ARHGEF19: variants seen among roughly 807,000 people sequenced by gnomAD.
ARHGEF19 encodes Rho guanine nucleotide exchange factor 19.
In ARHGEF19, 92 loss-of-function variants were observed where a neutral mutation model predicts 87.6. The ratio of observed to expected loss-of-function variants is 1.05; its 90% CI spans 0.89 to 1.25. The LOEUF (loss-of-function observed/expected upper bound fraction) is 1.25, where lower values mean the gene tolerates loss of function less well. Ranked by LOEUF, ARHGEF19 falls within the 50% of genes most tolerant of loss-of-function variation. The pLI is 0.00. For synonymous variants in ARHGEF19, 438 were observed against 446.2 expected (o/e 0.98, Z 0.23); for missense variants, 1,054 against 1,051.8 (o/e 1.00, Z -0.03).
intron 11 of ARHGEF19, 74 bp from the exon 12 acceptor site, chr1:16,204,993 G>A: frequency 3.8e-6 from 6 of 1,563,854 alleles, no homozygotes; most frequent in Non-Finnish European, 5.2e-6. Context: ...ATGGGAGGGT[G>A]TGGGCAGCGA....
At chr1:16,211,370 C>G (rs555953223) in intron 1 of ARHGEF19, among the ~76,000 whole-genome samples, 1 of 152,172 alleles carries the variant, frequency 6.6e-6, no homozygotes, top group East Asian at 1.9e-4. Context: ...TACACATGCC[C>G]CCTGCCCCTT....
chr1:16,208,123 C>G lies in ARHGEF19; in HGVS notation c.515G>C (p.Ser172Thr). The G allele has an allele frequency of 6.2e-7, 1 of 1,613,650 alleles. No homozygotes were observed. Among genetic ancestry groups the G allele is most frequent in the Non-Finnish European group, 8.5e-7 (1 of 1,179,644 alleles). The change falls in exon 3 of 16, where the codon AGC (serine) becomes ACC (threonine). Residue 172 changes from serine (S) to threonine (T), a missense_variant. Ser to Thr is a moderately conservative substitution (Grantham distance 58, BLOSUM62 1). Coordinates refer to ENST00000270747, the MANE Select transcript of ARHGEF19 (RefSeq NM_153213.5). The stretch of plus-strand genomic sequence containing the variant: ...CAACTCCACCCTGGGCTCCTCTGTG[C>G]TCAGGGCCTGCTCTTGCACTACCTG... ...PGQVVQEQAL[S>T]TEEPRVELSG...
In ARHGEF19 at chr1:16,205,019, C is replaced by A. The variant is rs2081114162; in HGVS notation, c.1746+68G>T. 1 of 1,560,354 alleles carries A rather than the reference C, an allele frequency of 6.4e-7. No homozygotes were observed. Among genetic ancestry groups the A allele is most frequent in the Non-Finnish European group, 8.7e-7 (1 of 1,151,054 alleles). ...TGGGCAGCGATTAACTGGCCTGAAG[C>A]CCCCAGGGCAAGGAAGAAACAAGAG... is the stretch of plus-strand genomic sequence containing the variant. On this transcript the variant is annotated intron_variant, in intron 11 of 15. Coordinates refer to ENST00000270747, the MANE Select transcript of ARHGEF19 (RefSeq NM_153213.5). This position sits in a 1 kb window ranked among gnomAD's most constrained non-coding sequence, Gnocchi z 5.8.
At chr1:16,210,523 T>C (rs1169640868) in intron 1 of ARHGEF19, among the ~76,000 whole-genome samples, 3 of 152,160 alleles carry the variant, frequency 2.0e-5, no homozygotes, top group African/African-American at 7.2e-5. Flanking sequence ...CCACAGATGC[T>C]GAGACATTCA....
At position 16,207,885 on chromosome 1, in the gene ARHGEF19, C is replaced by CG; in HGVS notation, c.694+58_694+59insC. On this transcript the variant is annotated intron_variant, in intron 3 of 15. Transcript: ENST00000270747. This position sits in a 1 kb window ranked among gnomAD's most constrained non-coding sequence, Gnocchi z 4.0. ...CAGGCGGCCGGTGAGTGGGCATCGC[C>CG]CACCCCCACCCCCACCCGGCATCTG... is the stretch of plus-strand genomic sequence containing the variant. 28 of 1,251,404 alleles carry CG rather than the reference C, an allele frequency of 2.2e-5. No individual in the cohort carries two copies. Among genetic ancestry groups the CG allele is most frequent in the Non-Finnish European group, 2.9e-5 (25 of 876,126 alleles). 77.5% of individuals were successfully genotyped at this position (1,251,404 alleles called of 1,614,324 possible).
In ARHGEF19 at chr1:16,206,639, C is replaced by G. The variant is rs2081138959; in HGVS notation, c.1138-299G>C. ...CTGGCCCCGCCTTGTTCCGCGCCCA[C>G]CAGGCGTTTGCTCTTCCAATGGTTC... On this transcript the variant is annotated intron_variant, in intron 6 of 15. Transcript: ENST00000270747. This position sits in a 1 kb window ranked among gnomAD's most constrained non-coding sequence, Gnocchi z 4.6. The G allele has an allele frequency of 1.8e-6, 1 of 550,724 alleles. No homozygotes were observed. Among genetic ancestry groups the G allele is most frequent in the African/African-American group, 1.9e-5 (1 of 51,998 alleles). The allele number at this position is 550,724 out of a possible 1,614,324, so 34.1% of individuals were successfully genotyped here.
At chr1:16,208,306 A>C in intron 2 of ARHGEF19, 81 bp from the exon 3 acceptor site, 1 of 1,483,764 alleles carries the variant, frequency 6.7e-7, no homozygotes, top group Non-Finnish European at 9.0e-7. Flanking sequence ...GGCCCTGAGC[A>C]CCTGGGGAGG....
Position 16,206,592 on chromosome 1 carries a change from C to CG in ARHGEF19, c.1138-253_1138-252insC. On this transcript the variant is annotated intron_variant, in intron 6 of 15. Transcript: ENST00000270747. The surrounding 1 kb of genome is among the most constrained non-coding windows in gnomAD (Gnocchi z 4.6). The stretch of plus-strand genomic sequence containing the variant: ...GCGTTCTTCCCAGAGCCCCGCCCAC[C>CG]CCCCAGGTCCCGCCCCTGATCCTGG... The CG allele has an allele frequency of 1.9e-6, 1 of 523,542 alleles. No homozygotes were observed. The highest frequency in any genetic ancestry group is 3.4e-6 in the Non-Finnish European group (1 of 295,594). The allele number at this position is 523,542 out of a possible 1,614,324, so 32.4% of individuals were successfully genotyped here. A position where few individuals can be genotyped will look rare whatever the true frequency, so the allele number is the denominator to read the frequency against.
chr1:16,212,300 C>CCT (rs2081204707), intron 1 of ARHGEF19, among the ~76,000 whole-genome samples: 1 of 152,156 alleles, frequency 6.6e-6, no homozygotes, highest in Non-Finnish European at 1.5e-5. Flanking sequence ...CCTGCCAGAG[C>CCT]CTCTCTGCCC....
intron 12 of ARHGEF19, 90 bp from the exon 13 acceptor site, chr1:16,202,664 G>A (rs918446086): frequency 6.6e-7 from 1 of 1,505,058 alleles, no homozygotes; most frequent in Non-Finnish European, 9.0e-7. Context: ...GACTGGAAGT[G>A]GGGAGAAGGG....
At position 16,201,878 on chromosome 1, in the gene ARHGEF19, C is replaced by T; in HGVS notation, c.2067-17G>A. On this transcript the variant is annotated splice_polypyrimidine_tract_variant and intron_variant, in intron 13 of 15. Coordinates refer to ENST00000270747, the MANE Select transcript of ARHGEF19 (RefSeq NM_153213.5). ...TTCTCACTTCTAGGGAAGGGGGAGG[C>T]TAAGTTGTCACAATATGCAAAGTGC... The T allele has an allele frequency of 6.2e-7, 1 of 1,612,386 alleles. No individual in the cohort carries two copies. Among genetic ancestry groups the T allele is most frequent in the Non-Finnish European group, 8.5e-7 (1 of 1,179,286 alleles).
Position 16,208,805 on chromosome 1 carries a change from C to T in ARHGEF19, c.250G>A (p.Gly84Ser), listed in dbSNP as rs768251204. Residue 84 changes from glycine (G) to serine (S), a missense_variant, in exon 2 of 16, where the codon GGC becomes AGC. Physicochemically the swap from Gly to Ser is moderately conservative, Grantham distance 56. Coordinates refer to ENST00000270747, the MANE Select transcript of ARHGEF19 (RefSeq NM_153213.5). The part of the protein sequence containing the change: ...QGLLWPLSPG[G>S]SDTEITSGGM... ...CCGCTGGTGATCTCTGTATCTGAGC[C>T]TCCTGGGGATAATGGCCATAGCAAC... The T allele has an allele frequency of 2.5e-6, 4 of 1,613,386 alleles. No homozygotes were observed. The highest frequency in any genetic ancestry group is 1.7e-5 in the Admixed American group (1 of 59,902).
chr1:16,206,358 C>G lies in ARHGEF19; in HGVS notation c.1138-18G>C, dbSNP rs867797436. 1.3e-6 allele frequency: 2 copies of G among 1,569,020 alleles called. No individual in the cohort carries two copies. The highest frequency in any genetic ancestry group is 1.9e-5 in the Admixed American group (1 of 51,750). On this transcript the variant is annotated intron_variant, in intron 6 of 15. Transcript: ENST00000270747. The surrounding 1 kb of genome is among the most constrained non-coding windows in gnomAD (Gnocchi z 4.6). ...AACTTGGCCTGAGGGAGGGCACACACGGGGTCGAAAGGGCAGGACCAGTTC... is the reference window on the plus strand; with the variant it reads ...AACTTGGCCTGAGGGAGGGCACACAGGGGGTCGAAAGGGCAGGACCAGTTC...
In ARHGEF19 at chr1:16,201,803, C is replaced by T; in HGVS notation, c.2125G>A (p.Glu709Lys). 6.2e-7 allele frequency: 1 copy of T among 1,613,856 alleles called. No individual in the cohort carries two copies. The highest frequency in any genetic ancestry group is 1.3e-5 in the African/African-American group (1 of 75,028). ...CTACCTTCCCCCTCACTGATGACCT[C>T]CTTGTCCTCCTGGGGGCTGGAGGGG... ...LCPSSPQEDK[E>K]VISEGEDCPQ... The change falls in exon 14 of 16, where the codon GAG (glutamate) becomes AAG (lysine). Residue 709 changes from glutamate (E) to lysine (K), a missense_variant. Physicochemically the swap from Glu to Lys is moderately conservative, Grantham distance 56. Transcript: ENST00000270747.
Position 16,207,840 on chromosome 1 carries a change from C to T in ARHGEF19, c.695-63G>A, listed in dbSNP as rs2081159715. 3.8e-6 allele frequency: 6 copies of T among 1,588,294 alleles called. No individual in the cohort carries two copies. The highest frequency in any genetic ancestry group is 5.1e-6 in the Non-Finnish European group (6 of 1,168,882). On this transcript the variant is annotated intron_variant, in intron 3 of 15. Coordinates refer to ENST00000270747, the MANE Select transcript of ARHGEF19 (RefSeq NM_153213.5). The surrounding 1 kb of genome is among the most constrained non-coding windows in gnomAD (Gnocchi z 4.0). ...AGTGGGCCTGGGGCCTGGGCCCCGG[C>T]CCAGGCACCCTGACGGCCTCAGGCG... is the stretch of plus-strand genomic sequence containing the variant.
At position 16,209,037 on chromosome 1, in the gene ARHGEF19, A is replaced by T; in HGVS notation, c.18T>A (p.Pro6=). Residue 6 remains proline (P), a synonymous_variant, in exon 2 of 16, where the codon CCT becomes CCA. Transcript: ENST00000270747. The part of the protein sequence containing the change: MDCGP[P]ATLQPHLTGP... ...CAGTCAGGTGGGGCTGGAGGGTAGCAGGTGGCCCACAGTCCATTCCTCTTT... is the reference window on the plus strand; with the variant it reads ...CAGTCAGGTGGGGCTGGAGGGTAGCTGGTGGCCCACAGTCCATTCCTCTTT... 6.7e-7 allele frequency: 1 copy of T among 1,494,038 alleles called. No individual in the cohort carries two copies. The highest frequency in any genetic ancestry group is 8.9e-7 in the Non-Finnish European group (1 of 1,123,404). 92.5% of individuals were successfully genotyped at this position (1,494,038 alleles called of 1,614,324 possible).
In ARHGEF19 at chr1:16,205,816, C is replaced by T. The variant is rs2081126350; in HGVS notation, c.1451+115G>A. Reference sequence around the variant, plus strand: ...TCTCACCTTATCCTGGTCACAGAGACCTTTTCAGGGACCCCTCCCCTCCCA... The same window carrying T: ...TCTCACCTTATCCTGGTCACAGAGATCTTTTCAGGGACCCCTCCCCTCCCA... On this transcript the variant is annotated intron_variant, in intron 8 of 15. Transcript: ENST00000270747. This position sits in a 1 kb window ranked among gnomAD's most constrained non-coding sequence, Gnocchi z 5.8. 4 of 1,492,296 alleles carry T rather than the reference C, an allele frequency of 2.7e-6. No homozygotes were observed. The East Asian group carries it at 9.9e-5, about 37-fold the overall frequency. 92.4% of individuals were successfully genotyped at this position (1,492,296 alleles called of 1,614,324 possible). A position where few individuals can be genotyped will look rare whatever the true frequency, so the allele number is the denominator to read the frequency against.
In ARHGEF19 at chr1:16,209,043, C is replaced by G. The variant is rs2081173821; in HGVS notation, c.12G>C (p.Gly4=). The G allele has an allele frequency of 6.7e-7, 1 of 1,487,640 alleles. No individual in the cohort carries two copies. The highest frequency in any genetic ancestry group is 1.4e-5 in the South Asian group (1 of 69,726). 92.2% of individuals were successfully genotyped at this position (1,487,640 alleles called of 1,614,324 possible). A position where few individuals can be genotyped will look rare whatever the true frequency, so the allele number is the denominator to read the frequency against. The change falls in exon 2 of 16, where the codon GGG becomes GGC. Residue 4 remains glycine (G), a synonymous_variant. Transcript: ENST00000270747. ...GGTGGGGCTGGAGGGTAGCAGGTGGCCCACAGTCCATTCCTCTTTTGCTCT... is the reference window on the plus strand; with the variant it reads ...GGTGGGGCTGGAGGGTAGCAGGTGGGCCACAGTCCATTCCTCTTTTGCTCT... The part of the protein sequence containing the change: MDC[G]PPATLQPHLT...
In ARHGEF19 at chr1:16,202,580, G is replaced by A. The variant is rs199573350; in HGVS notation, c.1908-6C>T. The A allele has an allele frequency of 3.1e-3, 5,026 of 1,611,114 alleles. 17 individuals carry two copies. Among genetic ancestry groups the A allele is most frequent in the Middle Eastern group, 0.01 (63 of 6,036 alleles). ...AAACGGCAAACTTCCCTAGCCTGGA[G>A]GACCGGGGGAGGGGAGGTCAGCCTG... On this transcript the variant is annotated splice_region_variant and splice_polypyrimidine_tract_variant and intron_variant, in intron 12 of 15. Coordinates refer to ENST00000270747, the MANE Select transcript of ARHGEF19 (RefSeq NM_153213.5).
Sources: allele counts gnomAD v4.1 joint callset (sites outside exome capture counted in the v4.1 genomes callset), GRCh38; gene constraint gnomAD v4.1.1; non-coding constraint Gnocchi (gnomAD v3.1); transcripts MANE v1.5; gene names NCBI Gene and HGNC (gene_info 2026-07-23, HGNC 2026-07-21).